The following ARHGEF28 variants were observed in gnomAD, a reference collection of about 807,000 sequenced individuals.
ARHGEF28 encodes Rho guanine nucleotide exchange factor 28.
ARHGEF28 carries 152 observed loss-of-function variants against 206.6 expected under a neutral mutation model. That is an observed-to-expected ratio of 0.74 (90% confidence interval 0.64 to 0.84). The LOEUF is 0.84. Among genes scored for constraint, ARHGEF28 ranks in the 40% least tolerant of loss-of-function variants. ARHGEF28 has a pLI of 0.00. For synonymous variants in ARHGEF28, 763 were observed against 776.4 expected (o/e 0.98, Z 0.29); for missense variants, 2,028 against 2,073.2 (o/e 0.98, Z 0.42).
At chr5:73,908,829 C>T (rs1025689969) in intron 33 of ARHGEF28, 1 of 152,122 alleles carries the variant, frequency 6.6e-6, no homozygotes, top group African/African-American at 2.4e-5. Flanking sequence ...TTACATATCT[C>T]CTAAAAATGG....
chr5:73,670,993 CT>C (rs368029703), intron 1 of ARHGEF28, among the ~76,000 whole-genome samples: 1,604 of 150,996 alleles, frequency 0.011, 23 homozygotes, highest in African/African-American at 0.036. Flanking sequence ...CATTCTTAGC[CT>C]TTTTTTTTCA....
At chr5:73,875,846 G>A (rs1471557532) in intron 22 of ARHGEF28, among the ~76,000 whole-genome samples, 2 of 152,194 alleles carry the variant, frequency 1.3e-5, no homozygotes, top group African/African-American at 4.8e-5. Context: ...TTTGCAGTCA[G>A]GTAGTGTGAT....
At chr5:73,853,635 T>C (rs564124350) in intron 14 of ARHGEF28, among the ~76,000 whole-genome samples, 8 of 152,222 alleles carry the variant, frequency 5.3e-5, no homozygotes, top group Non-Finnish European at 7.3e-5. Flanking sequence ...GATGATCAAG[T>C]TGACTTCGTG....
Position 73,909,824 on chromosome 5 carries a change from AG to A in ARHGEF28, c.4575del (p.Ser1526AlafsTer25). 1 of 1,540,630 alleles carries A rather than the reference AG, an allele frequency of 6.5e-7. No homozygotes were observed. Among genetic ancestry groups the A allele is most frequent in the Non-Finnish European group, 8.7e-7 (1 of 1,154,364 alleles). On this transcript the variant is annotated frameshift_variant, in exon 34 of 36. Coordinates refer to ENST00000513042, the MANE Select transcript of ARHGEF28 (RefSeq NM_001177693.2). LOFTEE classifies it high-confidence loss of function. ...EREQARMRAQ[Q>X]SLLGHWKHGR... The stretch of plus-strand genomic sequence containing the variant: ...GAGCAGGCGAGGATGCGGGCCCAGC[AG>A]AGCCTGCTGGGCCACTGGAAGCACG...
chr5:73,937,249 T>C (rs560932608), intron 35 of ARHGEF28, among the ~76,000 whole-genome samples: 1 of 152,324 alleles, frequency 6.6e-6, no homozygotes, highest in South Asian at 2.1e-4. Context: ...GAAACCATGT[T>C]AGGAGACTAA....
At chr5:73,833,826 C>T (rs1757443441) in intron 10 of ARHGEF28, among the ~76,000 whole-genome samples, 1 of 152,006 alleles carries the variant, frequency 6.6e-6, no homozygotes, top group Non-Finnish European at 1.5e-5. Flanking sequence ...AGAGGGAAGC[C>T]CCTTATAAAA....
chr5:73,911,379 A>G lies in ARHGEF28; in HGVS notation c.4752A>G (p.Pro1584=), dbSNP rs2112730221. Reference sequence around the variant, plus strand: ...TTAACACTTTCAACAAACTGAATCCATCAGTTATCCATCAGGATGCCACTT... The same window carrying G: ...TTAACACTTTCAACAAACTGAATCCGTCAGTTATCCATCAGGATGCCACTT... ...MSFNTFNKLN[P]SVIHQDATYP... is the part of the protein sequence containing the mutation. The change falls in exon 35 of 36, where the codon CCA becomes CCG. Residue 1584 remains proline (P), a synonymous_variant. Coordinates refer to ENST00000513042, the MANE Select transcript of ARHGEF28 (RefSeq NM_001177693.2). 6.2e-7 allele frequency: 1 copy of G among 1,613,780 alleles called. No individual in the cohort carries two copies. Among genetic ancestry groups the G allele is most frequent in the East Asian group, 2.2e-5 (1 of 44,888 alleles).
intron 9 of ARHGEF28, among the ~76,000 whole-genome samples, chr5:73,825,364 G>A (rs1189618535): frequency 1.3e-5 from 2 of 152,210 alleles, no homozygotes; most frequent in Non-Finnish European, 2.9e-5. Flanking sequence ...GCTGGAAGGT[G>A]GAGCAGCAAG....
chr5:73,679,345 T>A (rs1580473438), intron 1 of ARHGEF28, among the ~76,000 whole-genome samples: 1 of 152,194 alleles, frequency 6.6e-6, no homozygotes, highest in East Asian at 1.9e-4. Context: ...GGCAGGCAGA[T>A]CACCTGAGGT....
intron 33 of ARHGEF28, among the ~76,000 whole-genome samples, chr5:73,907,382 A>C (rs770580626): frequency 6.6e-6 from 1 of 152,246 alleles, no homozygotes; most frequent in African/African-American, 2.4e-5. Flanking sequence ...GCAACACATT[A>C]GGTTAAACCA....
chr5:73,791,478 A>G (rs1410786400), intron 7 of ARHGEF28, among the ~76,000 whole-genome samples: 1 of 152,228 alleles, frequency 6.6e-6, no homozygotes, highest in East Asian at 1.9e-4. Flanking sequence ...ACAAGACAAC[A>G]CTGGTGGTCT....
intron 9 of ARHGEF28, among the ~76,000 whole-genome samples, chr5:73,804,893 C>T (rs910528759): frequency 6.6e-6 from 1 of 152,196 alleles, no homozygotes; most frequent in Admixed American, 6.5e-5. Context: ...TCTTCCTCAC[C>T]TGCCTTTCCA....
At chr5:73,865,925 C>T (rs1299120727) in intron 17 of ARHGEF28, 40 bp from the exon 18 acceptor site, 2 of 1,407,678 alleles carry the variant, frequency 1.4e-6, no homozygotes, top group Non-Finnish European at 2.0e-6. Context: ...TCTAATGATA[C>T]TTTGATCTTA....
chr5:73,857,448 G>T (rs1759116638), intron 14 of ARHGEF28, among the ~76,000 whole-genome samples: 1 of 151,982 alleles, frequency 6.6e-6, no homozygotes, highest in South Asian at 2.1e-4. Flanking sequence ...TTGTGAGATT[G>T]TTGCTCTAAT....
At chr5:73,916,484 G>T (rs1487528319) in intron 35 of ARHGEF28, among the ~76,000 whole-genome samples, 4 of 152,154 alleles carry the variant, frequency 2.6e-5, no homozygotes, top group Admixed American at 6.5e-5. Context: ...GGCAGCGTTG[G>T]TTTCTTCCGA....
At chr5:73,663,663 C>T (rs1468168898) in intron 1 of ARHGEF28, among the ~76,000 whole-genome samples, 3 of 152,238 alleles carry the variant, frequency 2.0e-5, no homozygotes, top group African/African-American at 7.2e-5. Context: ...ACTTGGCTGT[C>T]TGTAAACTTT....
chr5:73,891,150 A>T (rs191734747), intron 26 of ARHGEF28, among the ~76,000 whole-genome samples: 2 of 152,248 alleles, frequency 1.3e-5, no homozygotes, highest in East Asian at 3.9e-4. Flanking sequence ...ATTCCCACCC[A>T]CCAAGGGCTC....
intron 1 of ARHGEF28, among the ~76,000 whole-genome samples, chr5:73,668,465 A>G (rs989828832): frequency 6.6e-6 from 1 of 152,180 alleles, no homozygotes; most frequent in Non-Finnish European, 1.5e-5. Flanking sequence ...CACTTTTATA[A>G]CAAACCCACT....
Position 73,684,520 on chromosome 5 carries a change from A to T in ARHGEF28, c.-11-321A>T, listed in dbSNP as rs556384040. Among the ~76,000 whole-genome samples the T allele has an allele frequency of 3.3e-5, 5 of 152,352 alleles. 1 individual carries two copies. Among genetic ancestry groups the T allele is most frequent in the African/African-American group, 1.2e-4 (5 of 41,576 alleles). On this transcript the variant is annotated intron_variant, in intron 1 of 35. Coordinates refer to ENST00000513042, the MANE Select transcript of ARHGEF28 (RefSeq NM_001177693.2). Reference sequence around the variant, plus strand: ...TTCTATCTTTTGGCTATTGTGAATCATGCTGCTATGAACATAGGTATAAAA... The same window carrying T: ...TTCTATCTTTTGGCTATTGTGAATCTTGCTGCTATGAACATAGGTATAAAA...
Sources: gnomAD v4.1 joint callset for allele counts (sites outside exome capture counted in the v4.1 genomes callset) on GRCh38, gnomAD v4.1.1 for gene constraint, MANE v1.5 for transcripts, NCBI Gene and HGNC (gene_info 2026-07-23, HGNC 2026-07-21) for gene names.